The following ADAMTS12 variants were observed in gnomAD, a reference collection of about 807,000 sequenced individuals.
ADAMTS12 encodes ADAM metallopeptidase with thrombospondin type 1 motif 12, also known as A disintegrin and metalloproteinase with thrombospondin motifs 12.
ADAMTS12 carries 118 observed loss-of-function variants against 167.8 expected under a neutral mutation model. The ratio of observed to expected loss-of-function variants is 0.70; its 90% CI spans 0.61 to 0.82. ADAMTS12 has a LOEUF of 0.82. Among genes scored for constraint, ADAMTS12 ranks in the 40% least tolerant of loss-of-function variants. The pLI is 0.00. For synonymous variants in ADAMTS12, 704 were observed against 716.9 expected (o/e 0.98, Z 0.29); for missense variants, 1,916 against 1,998.8 (o/e 0.96, Z 0.79).
intron 2 of ADAMTS12, among the ~76,000 whole-genome samples, chr5:33,847,852 A>C: frequency 6.6e-6 from 1 of 152,076 alleles, no homozygotes; most frequent in South Asian, 2.1e-4. Flanking sequence ...GAGGTAGAAG[A>C]CTGTATTCAC....
chr5:33,765,245 T>A (rs1745490386), intron 2 of ADAMTS12, among the ~76,000 whole-genome samples: 1 of 152,206 alleles, frequency 6.6e-6, no homozygotes, highest in African/African-American at 2.4e-5. Context: ...AATTTAGCCC[T>A]AAATACTTCA....
At chr5:33,562,006 G>A (rs926639543) in intron 19 of ADAMTS12, among the ~76,000 whole-genome samples, 1 of 151,516 alleles carries the variant, frequency 6.6e-6, no homozygotes, top group East Asian at 1.9e-4. Flanking sequence ...GGCTTTGAGA[G>A]CTGACCTGCC....
At chr5:33,841,521 G>A (rs973822319) in intron 2 of ADAMTS12, among the ~76,000 whole-genome samples, 4 of 152,038 alleles carry the variant, frequency 2.6e-5, no homozygotes, top group African/African-American at 9.7e-5. Flanking sequence ...TTTCAAATAG[G>A]GTGGCCTACA....
rs375537106 is a variant in ADAMTS12, at chr5:33,616,035, C to T, written c.2181G>A (p.Arg727=). The change falls in exon 15 of 24, where the codon AGG becomes AGA. Residue 727 remains arginine, a synonymous_variant. Transcript: ENST00000504830. The part of the protein sequence containing the change: ...VDIGLIPKGA[R]DIRVMEIEGA... ...CCTCAATTTCCATCACTCTTATGTC[C>T]CTTGCTCCTTTTGGAATGAGCCCAA... The T allele has an allele frequency of 1.5e-5, 24 of 1,614,042 alleles. No homozygotes were observed. Among genetic ancestry groups the T allele is most frequent in the South Asian group, 9.9e-5 (9 of 91,092 alleles).
intron 3 of ADAMTS12, among the ~76,000 whole-genome samples, chr5:33,686,879 G>A (rs150148625): frequency 3.1e-4 from 46 of 148,532 alleles, no homozygotes; most frequent in African/African-American, 1.1e-3. Context: ...TATATATGTA[G>A]GCACTGAATA....
At chr5:33,836,550 T>G (rs952330258) in intron 2 of ADAMTS12, among the ~76,000 whole-genome samples, 1 of 152,120 alleles carries the variant, frequency 6.6e-6, no homozygotes, top group Admixed American at 6.5e-5. Flanking sequence ...GCACTTCCAT[T>G]ACAGCAGGGG....
intron 3 of ADAMTS12, among the ~76,000 whole-genome samples, chr5:33,727,259 C>G (rs546521284): frequency 6.6e-6 from 1 of 151,892 alleles, no homozygotes; most frequent in Non-Finnish European, 1.5e-5. Context: ...GCCTGGGTGA[C>G]GACGCGTGTG....
Position 33,630,975 on chromosome 5 carries a change from G to A in ADAMTS12, c.1889-62C>T, listed in dbSNP as rs570539797. The A allele has an allele frequency of 8.8e-6, 14 of 1,589,398 alleles. No individual in the cohort carries two copies. The African/African-American group carries it at 1.7e-4, about 20-fold the overall frequency. On this transcript the variant is annotated intron_variant, in intron 12 of 23. Transcript: ENST00000504830. Reference sequence around the variant, plus strand: ...GCTTTTAGCTCAGCATCCTCCCCCAGGATTCCTCCGTACTTAGGACCCCCA... The same window carrying A: ...GCTTTTAGCTCAGCATCCTCCCCCAAGATTCCTCCGTACTTAGGACCCCCA...
At chr5:33,586,921 T>C in intron 18 of ADAMTS12, among the ~76,000 whole-genome samples, 1 of 152,220 alleles carries the variant, frequency 6.6e-6, no homozygotes, top group South Asian at 2.1e-4. Flanking sequence ...TATTTGTATG[T>C]AGGTATATTT....
chr5:33,595,842 C>A, intron 17 of ADAMTS12, 92 bp downstream of exon 17: 4 of 1,535,478 alleles, frequency 2.6e-6, no homozygotes, highest in Non-Finnish European at 3.5e-6. Flanking sequence ...CAAAACCACA[C>A]AATATTTCTT....
intron 2 of ADAMTS12, among the ~76,000 whole-genome samples, chr5:33,834,450 A>T (rs1464843514): frequency 6.6e-6 from 1 of 152,166 alleles, no homozygotes; most frequent in Non-Finnish European, 1.5e-5. Context: ...CGTTTTTAGC[A>T]TTCTTGAGGG....
At chr5:33,869,610 G>A (rs957541666) in intron 2 of ADAMTS12, among the ~76,000 whole-genome samples, 14 of 152,276 alleles carry the variant, frequency 9.2e-5, no homozygotes, top group African/African-American at 3.4e-4. Context: ...TTTTATTAGC[G>A]ATTTTCAAAG....
chr5:33,653,815 C>G (rs563047054), intron 7 of ADAMTS12, among the ~76,000 whole-genome samples: 1 of 152,134 alleles, frequency 6.6e-6, no homozygotes, highest in Admixed American at 6.6e-5. Context: ...TTGAGTTTCT[C>G]TCACCTTCTT....
intron 12 of ADAMTS12, among the ~76,000 whole-genome samples, chr5:33,634,598 T>C (rs565054856): frequency 6.6e-6 from 1 of 152,286 alleles, no homozygotes; most frequent in Admixed American, 6.5e-5. Flanking sequence ...AACTTGTCAC[T>C]CTGTATCACA....
In ADAMTS12 at chr5:33,832,502, A is replaced by G. The variant is rs147698094; in HGVS notation, c.489+48617T>C. On this transcript the variant is annotated intron_variant, in intron 2 of 23. Coordinates refer to ENST00000504830, the MANE Select transcript of ADAMTS12 (RefSeq NM_030955.4). Reference sequence around the variant, plus strand: ...GGAATAGTCTCAAGCACAAAATTGAATTCCCTCTTCTTGTACTCAGATTTA... The same window carrying G: ...GGAATAGTCTCAAGCACAAAATTGAGTTCCCTCTTCTTGTACTCAGATTTA... Among the ~76,000 whole-genome samples, 516 of 152,332 alleles carry G rather than the reference A, an allele frequency of 3.4e-3. 7 individuals are homozygous for G. Among genetic ancestry groups the G allele is most frequent in the African/African-American group, 0.012 (486 of 41,576 alleles).
chr5:33,816,323 A>T (rs890004200), intron 2 of ADAMTS12, among the ~76,000 whole-genome samples: 1 of 152,202 alleles, frequency 6.6e-6, no homozygotes, highest in African/African-American at 2.4e-5. Context: ...TTTTGTGATA[A>T]TATTTTAAAT....
intron 13 of ADAMTS12, among the ~76,000 whole-genome samples, chr5:33,629,414 C>T (rs142144897): frequency 6.6e-6 from 1 of 152,114 alleles, no homozygotes; most frequent in Non-Finnish European, 1.5e-5. Context: ...AATCTGTTTT[C>T]TAAGAGTTCA....
chr5:33,635,772 A>G (rs1214601238), intron 12 of ADAMTS12, among the ~76,000 whole-genome samples: 3 of 152,226 alleles, frequency 2.0e-5, no homozygotes, highest in Non-Finnish European at 4.4e-5. Context: ...CTAAGCAAAT[A>G]GCAACTCTGT....
intron 2 of ADAMTS12, among the ~76,000 whole-genome samples, chr5:33,873,969 A>T (rs1750133237): frequency 6.6e-6 from 1 of 152,218 alleles, no homozygotes; most frequent in Non-Finnish European, 1.5e-5. Flanking sequence ...AAACTCTAAA[A>T]TTCTTAGAGA....
Sources: gnomAD v4.1 joint callset for allele counts (sites outside exome capture counted in the v4.1 genomes callset) on GRCh38, gnomAD v4.1.1 for gene constraint, MANE v1.5 for transcripts, NCBI Gene and HGNC (gene_info 2026-07-23, HGNC 2026-07-21) for gene names.